SH3PXD2A: variants seen among roughly 807,000 people sequenced by gnomAD.
The protein encoded by SH3PXD2A is SH3 and PX domain-containing protein 2A.
In SH3PXD2A, 32 loss-of-function variants were observed where a neutral mutation model predicts 115.2. The observed-to-expected ratio is 0.28, with a 90% CI of 0.21 to 0.37. SH3PXD2A has a LOEUF of 0.37. Ranked by LOEUF, SH3PXD2A falls within the 10% of genes least tolerant of loss-of-function variation. The pLI, the probability that SH3PXD2A is intolerant of heterozygous loss-of-function variation, is 1.00. For missense variants in SH3PXD2A, 1,328 were observed against 1,498.7 expected, an observed-to-expected ratio of 0.89 and a Z score of 1.88; for synonymous variants, 610 against 629.1, an observed-to-expected ratio of 0.97 and a Z score of 0.45.
In SH3PXD2A at chr10:103,603,499, C is replaced by T. The variant is rs757812024; in HGVS notation, c.1719G>A (p.Glu573=). 3.7e-6 allele frequency: 6 copies of T among 1,611,682 alleles called. No individual in the cohort carries two copies. In the Admixed American group the frequency reaches 6.7e-5, roughly 18 times the overall value. Residue 573 remains glutamate (E), a synonymous_variant, in exon 15 of 15, where the codon GAG becomes GAA. Transcript: ENST00000369774. ...FGFDSEPELS[E]EPVEDRASGE... ...CTGAGGCTCTGTCCTCCACGGGCTC[C>T]TCGCTCAGCTCAGGCTCTGAGTCAA...
chr10:103,614,014 T>C (rs897499735), intron 11 of SH3PXD2A, among the ~76,000 whole-genome samples: 12 of 152,062 alleles, frequency 7.9e-5, no homozygotes, highest in African/African-American at 2.9e-4. Flanking sequence ...TACAGCACTT[T>C]GGGAAGCTGA....
intron 13 of SH3PXD2A, among the ~76,000 whole-genome samples, chr10:103,607,248 T>C (rs375054494): frequency 2.2e-5 from 3 of 138,250 alleles, no homozygotes; most frequent in Admixed American, 7.3e-5. Context: ...GTGAGGAGAC[T>C]CTCCGCCTGG....
At chr10:103,849,406 A>G (rs564549002) in intron 1 of SH3PXD2A, among the ~76,000 whole-genome samples, 1 of 152,370 alleles carries the variant, frequency 6.6e-6, no homozygotes, top group South Asian at 2.1e-4. Context: ...CCTGGCACAT[A>G]GTAGGTGCTT....
chr10:103,632,858 CA>C (rs35852530), intron 8 of SH3PXD2A, among the ~76,000 whole-genome samples: 135,194 of 152,120 alleles, frequency 0.89, 60,430 homozygotes, highest in East Asian at 1. Context: ...CCTGTAGTCC[CA>C]AGTAACTCGA....
intron 2 of SH3PXD2A, among the ~76,000 whole-genome samples, chr10:103,794,373 C>T (rs2039066381): frequency 1.3e-5 from 2 of 152,164 alleles, no homozygotes; most frequent in Non-Finnish European, 2.9e-5. Context: ...ACTCGCTGGC[C>T]AGAGTTCAGA....
rs1323307822 is a variant in SH3PXD2A at position 103,666,625 on chromosome 10, C to T, written c.472+1983G>A. Among the ~76,000 whole-genome samples, 2 of 152,212 alleles carry T rather than the reference C, an allele frequency of 1.3e-5. No homozygotes were observed. Among genetic ancestry groups the T allele is most frequent in the Non-Finnish European group, 2.9e-5 (2 of 68,048 alleles). On this transcript the variant is annotated intron_variant, in intron 7 of 14. Transcript: ENST00000369774. This position sits in a 1 kb window ranked among gnomAD's most constrained non-coding sequence, Gnocchi z 4.5. ...TCCAGTCCTGCTTTGCCCTTACTAG[C>T]TCTGAGATCCTGGGGAGGACACGTA...
At chr10:103,780,300 C>G (rs912927713) in intron 2 of SH3PXD2A, among the ~76,000 whole-genome samples, 9 of 152,218 alleles carry the variant, frequency 5.9e-5, no homozygotes, top group African/African-American at 2.2e-4. Flanking sequence ...CCTTCCCTTC[C>G]CCAAGCATCT....
At chr10:103,659,874 T>G (rs928650635) in intron 8 of SH3PXD2A, among the ~76,000 whole-genome samples, 33 of 152,226 alleles carry the variant, frequency 2.2e-4, no homozygotes, top group African/African-American at 7.9e-4. Flanking sequence ...CCTTAGCATC[T>G]CCACAGCTCC....
chr10:103,707,850 C>A (rs1283921394), intron 5 of SH3PXD2A, among the ~76,000 whole-genome samples: 1 of 152,142 alleles, frequency 6.6e-6, no homozygotes, highest in Non-Finnish European at 1.5e-5. Context: ...TCTCTCTCTA[C>A]CTTCCTACCC....
intron 8 of SH3PXD2A, among the ~76,000 whole-genome samples, chr10:103,639,201 G>A (rs568344368): frequency 1.3e-5 from 2 of 152,304 alleles, no homozygotes; most frequent in South Asian, 2.1e-4. Context: ...ATCCAGAGAT[G>A]AGAATGACTA....
In SH3PXD2A at chr10:103,602,843, A is replaced by T. The variant is rs370445275; in HGVS notation, c.2375T>A (p.Leu792His). The change falls in exon 15 of 15, where the codon CTC (leucine) becomes CAC (histidine). Residue 792 changes from leucine to histidine, a missense_variant. Leu to His is a moderately conservative substitution (Grantham distance 99). Transcript: ENST00000369774. ...LRPTGQLRGG[L>H]KGSKSEDSEL... ...CGAATCCTCACTCTTGGAGCCCTTGAGCCCTCCACGGAGCTGGCCTGTGGG... is the reference window on the plus strand; with the variant it reads ...CGAATCCTCACTCTTGGAGCCCTTGTGCCCTCCACGGAGCTGGCCTGTGGG... 9.3e-6 allele frequency: 15 copies of T among 1,613,880 alleles called. No homozygotes were observed. The highest frequency in any genetic ancestry group is 1.3e-5 in the Non-Finnish European group (15 of 1,179,990).
chr10:103,689,497 T>C (rs2037720746), intron 6 of SH3PXD2A, among the ~76,000 whole-genome samples: 2 of 152,070 alleles, frequency 1.3e-5, no homozygotes, highest in Admixed American at 1.3e-4. Flanking sequence ...AAACCTTGTC[T>C]CTACTAAAAC....
In SH3PXD2A at chr10:103,665,012, G is replaced by A. The variant is rs2037365636; in HGVS notation, c.472+3596C>T. Among the ~76,000 whole-genome samples, 1 of 152,116 alleles carries A rather than the reference G, an allele frequency of 6.6e-6. No individual in the cohort carries two copies. Among genetic ancestry groups the A allele is most frequent in the South Asian group, 2.1e-4 (1 of 4,828 alleles). ...CTAGTTGACTCTTGCCACCTCTACT[G>A]ACCAGACCACAGTGCCTGTTAGGTG... On this transcript the variant is annotated intron_variant, in intron 7 of 14. Transcript: ENST00000369774. This position sits in a 1 kb window ranked among gnomAD's most constrained non-coding sequence, Gnocchi z 4.0.
Position 103,603,446 on chromosome 10 carries a change from C to A in SH3PXD2A, c.1772G>T (p.Arg591Leu), listed in dbSNP as rs759699398. 8.7e-6 allele frequency: 14 copies of A among 1,613,056 alleles called. No individual in the cohort carries two copies. The highest frequency in any genetic ancestry group is 2.7e-5 in the African/African-American group (2 of 74,932). ...CTGCAGAGAAGAGGCCGGCGAGGGC[C>A]GGTGGGGCTGGGCAGGCCGCCTCTC... Reference protein sequence around the residue: ...SGERRPAQPHRPSPASSLQRA... With the variant: ...SGERRPAQPHLPSPASSLQRA... The change falls in exon 15 of 15, where the codon CGG (arginine) becomes CTG (leucine). Residue 591 changes from arginine to leucine, a missense_variant. Physicochemically the swap from Arg to Leu is moderately radical, Grantham distance 102. Coordinates refer to ENST00000369774, the MANE Select transcript of SH3PXD2A (RefSeq NM_001394015.1).
intron 6 of SH3PXD2A, among the ~76,000 whole-genome samples, chr10:103,669,556 C>T (rs182468935): frequency 2.0e-4 from 31 of 152,360 alleles, no homozygotes; most frequent in Non-Finnish European, 3.4e-4. Context: ...AGTCGAACTA[C>T]AGTGACTCAT....
chr10:103,709,483 C>T (rs574210851), intron 5 of SH3PXD2A, among the ~76,000 whole-genome samples: 22 of 152,290 alleles, frequency 1.4e-4, no homozygotes, highest in African/African-American at 4.3e-4. Context: ...GAGGCTGCTC[C>T]GATGACTCCA....
chr10:103,631,156 T>C (rs1243225765), intron 8 of SH3PXD2A, among the ~76,000 whole-genome samples: 2 of 152,146 alleles, frequency 1.3e-5, no homozygotes, highest in Non-Finnish European at 2.9e-5. Context: ...TCCTATCTAC[T>C]TGGGAGGCTG....
At chr10:103,764,323 C>T (rs10883908) in intron 3 of SH3PXD2A, among the ~76,000 whole-genome samples, 69,062 of 151,938 alleles carry the variant, frequency 0.45, 16,371 homozygotes, top group East Asian at 0.62. Context: ...TTGGGAACCC[C>T]GGGGTAGGAT....
intron 6 of SH3PXD2A, among the ~76,000 whole-genome samples, chr10:103,691,672 A>C (rs997082204): frequency 2.0e-5 from 3 of 152,120 alleles, no homozygotes. Flanking sequence ...CTCATCCCAC[A>C]GCTAGACATG....
Sources: allele counts gnomAD v4.1 joint callset (sites outside exome capture counted in the v4.1 genomes callset), GRCh38; gene constraint gnomAD v4.1.1; non-coding constraint Gnocchi (gnomAD v3.1); transcripts MANE v1.5; gene names NCBI Gene and HGNC (gene_info 2026-07-23, HGNC 2026-07-21).